Variants in CRISPLD2 observed in about 807,000 individuals in gnomAD.
CRISPLD2 encodes the protein cysteine-rich secretory protein LCCL domain-containing 2.
A neutral mutation model predicts 71.1 loss-of-function variants in CRISPLD2; 47 were observed. That is an observed-to-expected ratio of 0.66 (90% CI 0.52 to 0.84). The LOEUF (loss-of-function observed/expected upper bound fraction) is 0.84. Among genes scored for constraint, CRISPLD2 ranks in the 40% least tolerant of loss-of-function variants. CRISPLD2 has a pLI of 0.00. For missense variants in CRISPLD2, 830 were observed against 651.1 expected (o/e 1.27, Z -2.99); for synonymous variants, 317 against 250.1 (o/e 1.27, Z -2.52).
At chr16:84,905,288 A>T (rs778428566) in intron 14 of CRISPLD2, among the ~76,000 whole-genome samples, 2 of 152,150 alleles carry the variant, frequency 1.3e-5, no homozygotes, top group African/African-American at 2.4e-5. Flanking sequence ...ATTGTCTAAC[A>T]CTGGATTGTG....
At chr16:84,849,694 T>C (rs1441807167) in intron 4 of CRISPLD2, among the ~76,000 whole-genome samples, 177 bp downstream of exon 4, 1 of 149,938 alleles carries the variant, frequency 6.7e-6, no homozygotes, top group African/African-American at 2.5e-5. Flanking sequence ...ACCAGCAAGG[T>C]CAGAAACTGA....
chr16:84,880,629 A>C (rs779308228), intron 13 of CRISPLD2, 45 bp downstream of exon 13: 50 of 1,501,736 alleles, frequency 3.3e-5, no homozygotes, highest in Non-Finnish European at 4.3e-5. Context: ...AAGCCTGTTA[A>C]AGACCTCAAC....
chr16:84,906,979 G>C lies in CRISPLD2; in HGVS notation c.*337G>C, dbSNP rs1415605347. On this transcript the variant is annotated 3_prime_UTR_variant, in exon 15 of 15. Coordinates refer to ENST00000262424, the MANE Select transcript of CRISPLD2 (RefSeq NM_031476.4). ...TGCTATGTGTTCTTCTGTTGGTGGA[G>C]GAAGTTGATTTCAACCTCCCTGCCA... 5.0e-5 allele frequency: 16 copies of C among 320,662 alleles called. No homozygotes were observed. In the Admixed American group the frequency reaches 7.7e-4, roughly 15 times the overall value. 19.9% of individuals were successfully genotyped at this position (320,662 alleles called of 1,614,324 possible).
intron 14 of CRISPLD2, among the ~76,000 whole-genome samples, chr16:84,890,182 C>A (rs1017621923): frequency 2.0e-5 from 3 of 151,814 alleles, no homozygotes; most frequent in East Asian, 1.9e-4. Flanking sequence ...CATGATGAAA[C>A]CCCCGTCTCT....
At chr16:84,883,960 C>T (rs1487410406) in intron 13 of CRISPLD2, among the ~76,000 whole-genome samples, 2 of 151,902 alleles carry the variant, frequency 1.3e-5, no homozygotes, top group African/African-American at 4.8e-5. Context: ...TCTCCTGTCC[C>T]AGCCTCCCGA....
chr16:84,904,454 T>G (rs1429284719), intron 14 of CRISPLD2, among the ~76,000 whole-genome samples: 3 of 152,148 alleles, frequency 2.0e-5, no homozygotes, highest in East Asian at 3.9e-4. Context: ...CGTGGTGGTG[T>G]GCACCTGTAA....
rs753528852 is a variant in CRISPLD2 at position 84,873,109 on chromosome 16, G to T, written c.1099G>T (p.Val367Leu). 5 of 1,613,480 alleles carry T rather than the reference G, an allele frequency of 3.1e-6. No homozygotes were observed. The highest frequency in any genetic ancestry group is 1.3e-5 in the African/African-American group (1 of 74,958). ...CTTCGTGAAGTCTGAGAGACACGGCGTGCAGTCCCTCAGGTAACTACTCTG... is the reference window on the plus strand; with the variant it reads ...CTTCGTGAAGTCTGAGAGACACGGCTTGCAGTCCCTCAGGTAACTACTCTG... ...PFFVKSERHG[V>L]QSLSKYKPSS... The change falls in exon 10 of 15, where the codon GTG (valine) becomes TTG (leucine). Residue 367 changes from valine to leucine, a missense_variant. Transcript: ENST00000262424.
At chr16:84,869,623 T>G (rs1230895410) in intron 8 of CRISPLD2, among the ~76,000 whole-genome samples, 1 of 152,142 alleles carries the variant, frequency 6.6e-6, no homozygotes, top group East Asian at 1.9e-4. Context: ...GAGATGAGCC[T>G]CATGTGTCAA....
chr16:84,897,708 G>A (rs537690963), intron 14 of CRISPLD2, among the ~76,000 whole-genome samples: 9 of 152,020 alleles, frequency 5.9e-5, no homozygotes, highest in South Asian at 4.2e-4. Flanking sequence ...CCTCTGCCCC[G>A]CAGGTTCAAG....
chr16:84,844,052 C>G (rs1490166914), intron 2 of CRISPLD2, among the ~76,000 whole-genome samples: 1 of 152,232 alleles, frequency 6.6e-6, no homozygotes, highest in South Asian at 2.1e-4. Context: ...AGGCCAGCCT[C>G]TGCCTGCTTA....
At chr16:84,836,967 G>A (rs1916636361) in intron 1 of CRISPLD2, among the ~76,000 whole-genome samples, 1 of 152,226 alleles carries the variant, frequency 6.6e-6, no homozygotes, top group Admixed American at 6.5e-5. Flanking sequence ...GTCCTGCTAT[G>A]TGGGGACTGC....
At chr16:84,866,544 C>T (rs968435516) in intron 6 of CRISPLD2, among the ~76,000 whole-genome samples, 1 of 152,142 alleles carries the variant, frequency 6.6e-6, no homozygotes, top group African/African-American at 2.4e-5. Flanking sequence ...CCTGAGGCAG[C>T]TTCTTGAAGT....
At chr16:84,889,078 A>G (rs1382409070) in intron 13 of CRISPLD2, 152 bp from the exon 14 acceptor site, 1 of 816,080 alleles carries the variant, frequency 1.2e-6, no homozygotes, top group African/African-American at 1.7e-5. Context: ...GAGACCCCCA[A>G]GGCATCAAGG....
At position 84,868,805 on chromosome 16, in the gene CRISPLD2, C is replaced by T. The variant is rs376411279; in HGVS notation, c.854-46C>T. 17 of 1,510,734 alleles carry T rather than the reference C, an allele frequency of 1.1e-5. No homozygotes were observed. In the African/African-American group the frequency reaches 2.2e-4, roughly 20 times the overall value. The allele number at this position is 1,510,734 out of a possible 1,614,324, so 93.6% of individuals were successfully genotyped here. ...CAGCATGGGGAAGGGTCTTCTCACC[C>T]TCCTGGTTTCGTGCCGTGACATGTA... On this transcript the variant is annotated intron_variant, in intron 7 of 14. Coordinates refer to ENST00000262424, the MANE Select transcript of CRISPLD2 (RefSeq NM_031476.4).
intron 2 of CRISPLD2, chr16:84,839,206 T>C (rs935457973): frequency 2.1e-5 from 7 of 331,244 alleles, no homozygotes; most frequent in African/African-American, 1.5e-4. Flanking sequence ...TTCTTAACAT[T>C]CTGCCAAAAC....
chr16:84,877,364 C>T (rs1389359713), intron 11 of CRISPLD2, 74 bp from the exon 12 acceptor site: 3 of 1,359,322 alleles, frequency 2.2e-6, no homozygotes, highest in East Asian at 2.3e-5. Flanking sequence ...GTCTAGTGGC[C>T]CATTGCACAG....
At chr16:84,846,449 T>G (rs1284529226) in intron 3 of CRISPLD2, among the ~76,000 whole-genome samples, 1 of 152,056 alleles carries the variant, frequency 6.6e-6, no homozygotes, top group Non-Finnish European at 1.5e-5. Flanking sequence ...AGACAGGGTT[T>G]CACCATATTG....
chr16:84,840,953 C>T (rs1266490486), intron 2 of CRISPLD2, among the ~76,000 whole-genome samples: 1 of 152,138 alleles, frequency 6.6e-6, no homozygotes, highest in Non-Finnish European at 1.5e-5. Context: ...TCCCGTGTGC[C>T]CAGCACCCCG....
At chr16:84,858,627 G>A (rs1357715200) in intron 6 of CRISPLD2, among the ~76,000 whole-genome samples, 1 of 152,190 alleles carries the variant, frequency 6.6e-6, no homozygotes, top group African/African-American at 2.4e-5. Flanking sequence ...CAGTGCAATG[G>A]AGCAGTGTGA....
Sources: gnomAD v4.1 joint callset for allele counts (sites outside exome capture counted in the v4.1 genomes callset) on GRCh38, gnomAD v4.1.1 for gene constraint, MANE v1.5 for transcripts, NCBI Gene and HGNC (gene_info 2026-07-23, HGNC 2026-07-21) for gene names.